Variants in SBF2 observed in about 807,000 individuals in gnomAD.
SBF2 encodes SET binding factor 2, also known as myotubularin-related protein 13.
A neutral mutation model predicts 225.2 loss-of-function variants in SBF2; 112 were observed. The observed-to-expected ratio is 0.50, with a 90% CI of 0.43 to 0.58. The LOEUF (loss-of-function observed/expected upper bound fraction) is 0.58. Among genes scored for constraint, SBF2 ranks in the 20% least tolerant of loss-of-function variants. The pLI, the probability that SBF2 is intolerant of heterozygous loss-of-function variation, is 0.00. For missense variants in SBF2, 1,996 were observed against 2,206.2 expected, an observed-to-expected ratio of 0.90 and a Z score of 1.91; for synonymous variants, 763 against 773.3, an observed-to-expected ratio of 0.99 and a Z score of 0.22.
rs1591381436 is a variant in SBF2 at position 10,294,209 on chromosome 11, A to C, written c.-140T>G. The C allele has an allele frequency of 1.7e-6, 1 of 590,304 alleles. No individual in the cohort carries two copies. The highest frequency in any genetic ancestry group is 3.8e-5 in the East Asian group (1 of 26,526). The allele number at this position is 590,304 out of a possible 1,614,324, so 36.6% of individuals were successfully genotyped here. A position where few individuals can be genotyped will look rare whatever the true frequency, so the allele number is the denominator to read the frequency against. On this transcript the variant is annotated 5_prime_UTR_variant, in exon 1 of 40. Transcript: ENST00000256190. ...GCGCTTCAGCCATGTTTGACAACCG[A>C]GGCGCGCTCTGCGCTTGCGCGGCGC... is the stretch of plus-strand genomic sequence containing the variant.
chr11:9,780,957 T>C (rs902084557), intron 39 of SBF2: 43 of 296,896 alleles, frequency 1.4e-4, no homozygotes, highest in African/African-American at 8.9e-4. Context: ...GGAAGCCCAC[T>C]GTCAGGAAAA....
At chr11:9,874,448 C>G (rs1859048260) in intron 17 of SBF2, among the ~76,000 whole-genome samples, 1 of 152,076 alleles carries the variant, frequency 6.6e-6, no homozygotes, top group Admixed American at 6.6e-5. Flanking sequence ...TTCCTATAAA[C>G]AAGAAAATCA....
rs545649010 is a variant in SBF2 at position 10,064,470 on chromosome 11, A to G, written c.142-21489T>C. On this transcript the variant is annotated intron_variant, in intron 2 of 39. Coordinates refer to ENST00000256190, the MANE Select transcript of SBF2 (RefSeq NM_030962.4). ...TAAAATAATAGATTCCAGCCTAACCATATTAGTCATCACATTAAATAGATT... is the reference window on the plus strand; with the variant it reads ...TAAAATAATAGATTCCAGCCTAACCGTATTAGTCATCACATTAAATAGATT... Among the ~76,000 whole-genome samples the G allele has an allele frequency of 3.9e-5, 6 of 152,316 alleles. No individual in the cohort carries two copies. In the East Asian group the frequency reaches 7.7e-4, roughly 20 times the overall value.
chr11:9,923,895 A>G (rs893962471), intron 16 of SBF2, among the ~76,000 whole-genome samples: 3 of 151,556 alleles, frequency 2.0e-5, no homozygotes, highest in African/African-American at 7.3e-5. Flanking sequence ...TAGAGACCAG[A>G]TTTATTAGCT....
intron 13 of SBF2, among the ~76,000 whole-genome samples, chr11:9,981,771 A>T (rs1167155572): frequency 6.6e-6 from 1 of 152,348 alleles, no homozygotes; most frequent in East Asian, 1.9e-4. Context: ...ATTAAAAGAA[A>T]ATTTCTACTT....
intron 1 of SBF2, among the ~76,000 whole-genome samples, chr11:10,275,966 A>C (rs1454294709): frequency 6.6e-6 from 1 of 152,146 alleles, no homozygotes; most frequent in African/African-American, 2.4e-5. Flanking sequence ...AATTCTCTGG[A>C]GTTGTAATCA....
At chr11:10,000,733 T>C (rs1947919552) in intron 8 of SBF2, among the ~76,000 whole-genome samples, 181 bp downstream of exon 8, 1 of 152,222 alleles carries the variant, frequency 6.6e-6, no homozygotes, top group Non-Finnish European at 1.5e-5. Context: ...AAACCTCCTA[T>C]ACTTGCTATA....
chr11:10,077,431 T>C (rs7106328), intron 2 of SBF2, among the ~76,000 whole-genome samples: 70,371 of 151,922 alleles, frequency 0.46, 16,692 homozygotes, highest in Admixed American at 0.56. Context: ...ACCAAAATAA[T>C]ATGGTACTGG....
intron 1 of SBF2, among the ~76,000 whole-genome samples, chr11:10,219,501 T>C (rs770731508): frequency 2.6e-5 from 4 of 152,164 alleles, no homozygotes; most frequent in Non-Finnish European, 4.4e-5. Context: ...ATTTTCCCCA[T>C]TGTCTTGGTG....
At chr11:9,792,206 CG>C (rs1852794384) in intron 33 of SBF2, among the ~76,000 whole-genome samples, 1 of 151,950 alleles carries the variant, frequency 6.6e-6, no homozygotes, top group South Asian at 2.1e-4. Context: ...CTGACGTGGG[CG>C]GATCACTTGA....
At chr11:9,989,857 C>T (rs1164398308) in intron 12 of SBF2, among the ~76,000 whole-genome samples, 1 of 152,048 alleles carries the variant, frequency 6.6e-6, no homozygotes, top group Non-Finnish European at 1.5e-5. Flanking sequence ...TCAGAGAGAC[C>T]CTGTCATTCC....
chr11:9,994,460 G>C (rs1947588571), intron 9 of SBF2, among the ~76,000 whole-genome samples: 1 of 148,556 alleles, frequency 6.7e-6, no homozygotes, highest in South Asian at 2.1e-4. Flanking sequence ...GGGCGACAGA[G>C]CGAGACTCCA....
intron 2 of SBF2, among the ~76,000 whole-genome samples, chr11:10,173,021 G>C (rs1031774154): frequency 6.6e-6 from 1 of 152,096 alleles, no homozygotes; most frequent in Admixed American, 6.5e-5. Flanking sequence ...GCAGCATATT[G>C]TTTAATTTCC....
chr11:10,191,620 G>A (rs1957174846), intron 2 of SBF2, among the ~76,000 whole-genome samples: 1 of 152,136 alleles, frequency 6.6e-6, no homozygotes, highest in Non-Finnish European at 1.5e-5. Context: ...CTAAGAATAT[G>A]CCAAGAAGTC....
Position 9,789,162 on chromosome 11 carries a change from A to G in SBF2, c.4879T>C (p.Cys1627Arg), listed in dbSNP as rs1852575154. 1 of 1,614,002 alleles carries G rather than the reference A, an allele frequency of 6.2e-7. No homozygotes were observed. Among genetic ancestry groups the G allele is most frequent in the Non-Finnish European group, 8.5e-7 (1 of 1,180,026 alleles). Residue 1627 changes from cysteine to arginine, a missense_variant, in exon 35 of 40, where the codon TGC (cysteine) becomes CGC (arginine). Physicochemically the swap from Cys to Arg is radical, Grantham distance 180. Transcript: ENST00000256190. Reference sequence around the variant, plus strand: ...TGAGTACAGCTGACATCATCATAGCATGGCCACACTGTTCTCCTCTGGCTC... The same window carrying G: ...TGAGTACAGCTGACATCATCATAGCGTGGCCACACTGTTCTCCTCTGGCTC... ...PRSQRRTVWP[C>R]YDDVSCTQPD...
At chr11:10,258,071 T>TACACACAC (rs1405915031) in intron 1 of SBF2, among the ~76,000 whole-genome samples, 2 of 96,254 alleles carry the variant, frequency 2.1e-5, no homozygotes, top group African/African-American at 4.4e-5. Flanking sequence ...GAGGTATAAA[T>TACACACAC]ACACACACAT....
At chr11:10,171,902 T>A (rs143049628) in intron 2 of SBF2, among the ~76,000 whole-genome samples, 1 of 152,198 alleles carries the variant, frequency 6.6e-6, no homozygotes. Flanking sequence ...AATTTATCCA[T>A]TTCTTCCAGG....
At chr11:9,984,371 A>T (rs547574535) in intron 13 of SBF2, among the ~76,000 whole-genome samples, 7 of 152,244 alleles carry the variant, frequency 4.6e-5, no homozygotes, top group Non-Finnish European at 1.0e-4. Flanking sequence ...ACCTAATCCA[A>T]CAAAGACAAA....
intron 28 of SBF2, among the ~76,000 whole-genome samples, chr11:9,817,357 C>CA (rs1266776297): frequency 1.3e-5 from 2 of 151,998 alleles, no homozygotes; most frequent in Non-Finnish European, 2.9e-5. Flanking sequence ...AACATGCTGG[C>CA]AGGAGGTACT....
Sources: allele counts gnomAD v4.1 joint callset (sites outside exome capture counted in the v4.1 genomes callset), GRCh38; gene constraint gnomAD v4.1.1; transcripts MANE v1.5; gene names NCBI Gene and HGNC (gene_info 2026-07-23, HGNC 2026-07-21).